The following KCNB2 variants were observed in gnomAD, a reference collection of about 807,000 sequenced individuals.
KCNB2 encodes potassium voltage-gated channel subfamily B member 2, also known as delayed rectifier potassium channel protein.
A neutral mutation model predicts 61.5 loss-of-function variants in KCNB2; 15 were observed. The ratio of observed to expected loss-of-function variants is 0.24; its 90% CI spans 0.16 to 0.38. KCNB2 has a LOEUF of 0.38. KCNB2 is among the 10% of genes least tolerant of loss of function. KCNB2 has a pLI of 1.00. For synonymous variants in KCNB2, 457 were observed against 446.0 expected (o/e 1.02, Z -0.31); for missense variants, 828 against 1,125.2 (o/e 0.74, Z 3.78).
intron 2 of KCNB2, among the ~76,000 whole-genome samples, chr8:72,703,619 C>T (rs1212917938): frequency 2.6e-5 from 4 of 152,176 alleles, no homozygotes; most frequent in Admixed American, 1.3e-4. Context: ...GTTGCATGTA[C>T]TTTCAGAATC....
At position 72,668,883 on chromosome 8, in the gene KCNB2, G is replaced by A. The variant is rs189846028; in HGVS notation, c.579+100570G>A. Among the ~76,000 whole-genome samples, 6 of 152,148 alleles carry A rather than the reference G, an allele frequency of 3.9e-5. No homozygotes were observed. The East Asian group carries it at 5.8e-4, about 15-fold the overall frequency. ...GATTGTTATTCAAAAGACATTTGTC[G>A]AATGATGGAAGCTGTTATTTTTATA... On this transcript the variant is annotated intron_variant, in intron 2 of 2. Coordinates refer to ENST00000523207, the MANE Select transcript of KCNB2 (RefSeq NM_004770.3).
intron 2 of KCNB2, among the ~76,000 whole-genome samples, chr8:72,778,733 CAAAAA>C (rs753797385): frequency 9.4e-3 from 132 of 14,116 alleles, no homozygotes; most frequent in Middle Eastern, 0.1. Context: ...ACAGAGCGAG[CAAAAA>C]AAAAAAAAAA....
chr8:72,652,740 C>A (rs2128986537), intron 2 of KCNB2, among the ~76,000 whole-genome samples: 1 of 152,246 alleles, frequency 6.6e-6, no homozygotes, highest in Non-Finnish European at 1.5e-5. Context: ...TATTTTGACT[C>A]TGTTCATTTG....
chr8:72,585,046 C>T (rs901406289), intron 2 of KCNB2, among the ~76,000 whole-genome samples: 1 of 152,184 alleles, frequency 6.6e-6, no homozygotes, highest in African/African-American at 2.4e-5. Context: ...GGCTGCTCGT[C>T]TCTAAGGTAG....
intron 2 of KCNB2, among the ~76,000 whole-genome samples, chr8:72,892,702 G>A (rs17775737): frequency 0.11 from 17,051 of 152,032 alleles, 1,075 homozygotes; most frequent in South Asian, 0.24. Flanking sequence ...GCTTAAGCCC[G>A]TTTCCTTCTC....
chr8:72,832,430 G>A (rs753266236), intron 2 of KCNB2, among the ~76,000 whole-genome samples: 1 of 152,142 alleles, frequency 6.6e-6, no homozygotes, highest in Admixed American at 6.6e-5. Context: ...TCTAGTTCAA[G>A]GTAATAATGA....
intron 2 of KCNB2, among the ~76,000 whole-genome samples, chr8:72,746,509 G>T (rs1808070672): frequency 6.6e-6 from 1 of 152,102 alleles, no homozygotes; most frequent in Non-Finnish European, 1.5e-5. Context: ...ACAAACATGG[G>T]TGACTCAATG....
chr8:72,837,983 A>G (rs1446350146), intron 2 of KCNB2, among the ~76,000 whole-genome samples: 1 of 152,170 alleles, frequency 6.6e-6, no homozygotes, highest in African/African-American at 2.4e-5. Flanking sequence ...TCATACTGGT[A>G]TTACCTTTTT....
At chr8:72,771,670 G>A (rs1432433321) in intron 2 of KCNB2, among the ~76,000 whole-genome samples, 2 of 152,114 alleles carry the variant, frequency 1.3e-5, no homozygotes, top group African/African-American at 4.8e-5. Context: ...TAGGCGCAGA[G>A]ACCAAGGAAA....
chr8:72,633,079 G>A (rs891537304), intron 2 of KCNB2, among the ~76,000 whole-genome samples: 2 of 152,142 alleles, frequency 1.3e-5, no homozygotes, highest in Non-Finnish European at 2.9e-5. Context: ...AAGTCAAGAT[G>A]GCAGCAGGGC....
At chr8:72,637,696 C>T (rs1435229160) in intron 2 of KCNB2, among the ~76,000 whole-genome samples, 1 of 152,090 alleles carries the variant, frequency 6.6e-6, no homozygotes, top group Non-Finnish European at 1.5e-5. Flanking sequence ...TCTCATATCC[C>T]TTCCATGCAA....
intron 2 of KCNB2, among the ~76,000 whole-genome samples, chr8:72,614,464 G>C (rs540633326): frequency 6.6e-6 from 1 of 152,298 alleles, no homozygotes; most frequent in East Asian, 1.9e-4. Flanking sequence ...TTCTTGTGCT[G>C]TTAAAGGAAT....
chr8:72,715,861 A>G (rs1045135070), intron 2 of KCNB2, among the ~76,000 whole-genome samples: 3 of 152,226 alleles, frequency 2.0e-5, no homozygotes, highest in Non-Finnish European at 4.4e-5. Context: ...CAAAAAATCA[A>G]TGAATCCAGG....
At chr8:72,691,278 A>G (rs1806936223) in intron 2 of KCNB2, among the ~76,000 whole-genome samples, 1 of 152,220 alleles carries the variant, frequency 6.6e-6, no homozygotes, top group Admixed American at 6.5e-5. Context: ...GTGAGGACAC[A>G]TAGTACCATT....
chr8:72,552,309 T>C (rs1286091448), intron 1 of KCNB2, among the ~76,000 whole-genome samples: 1 of 152,222 alleles, frequency 6.6e-6, no homozygotes, highest in Admixed American at 6.5e-5. Context: ...GAAAGTTGTC[T>C]AGACCAGTGC....
chr8:72,616,466 T>C (rs1192139763), intron 2 of KCNB2, among the ~76,000 whole-genome samples: 1 of 152,236 alleles, frequency 6.6e-6, no homozygotes, highest in Non-Finnish European at 1.5e-5. Context: ...TCAGCCTGTA[T>C]AAAATTCTCT....
chr8:72,749,134 T>A (rs924308693), intron 2 of KCNB2, among the ~76,000 whole-genome samples: 1 of 152,152 alleles, frequency 6.6e-6, no homozygotes, highest in Non-Finnish European at 1.5e-5. Context: ...TTTATTTATT[T>A]ATTTTTTGAG....
chr8:72,561,081 CCA>C (rs1318503843), intron 1 of KCNB2, among the ~76,000 whole-genome samples: 1 of 151,966 alleles, frequency 6.6e-6, no homozygotes, highest in Non-Finnish European at 1.5e-5. Flanking sequence ...CTTCCTTTGA[CCA>C]CTGAAAGGAA....
intron 2 of KCNB2, among the ~76,000 whole-genome samples, chr8:72,665,323 C>T (rs1030348840): frequency 6.6e-6 from 1 of 152,076 alleles, no homozygotes; most frequent in East Asian, 1.9e-4. Flanking sequence ...GTCTCCAAGG[C>T]TTTTAGCTGC....
Sources: gnomAD v4.1 joint callset for allele counts (sites outside exome capture counted in the v4.1 genomes callset) on GRCh38, gnomAD v4.1.1 for gene constraint, MANE v1.5 for transcripts, NCBI Gene and HGNC (gene_info 2026-07-23, HGNC 2026-07-21) for gene names.